CTDP1: variants seen among roughly 807,000 people sequenced by gnomAD.
The protein encoded by CTDP1 is RNA polymerase II subunit A C-terminal domain phosphatase.
In CTDP1, 47 loss-of-function variants were observed where a neutral mutation model predicts 91.8. The observed-to-expected ratio is 0.51, with a 90% CI of 0.41 to 0.65. CTDP1 has a LOEUF of 0.65. Ranked by LOEUF, CTDP1 falls within the 30% of genes least tolerant of loss-of-function variation. The pLI is 0.00. For missense variants in CTDP1, 1,272 were observed against 1,373.7 expected, an observed-to-expected ratio of 0.93 and a Z score of 1.17; for synonymous variants, 656 against 598.5, an observed-to-expected ratio of 1.10 and a Z score of -1.40.
intron 4 of CTDP1, 44 bp from the exon 5 acceptor site, chr18:79,704,723 C>T (rs1269463075): frequency 6.2e-7 from 1 of 1,610,486 alleles, no homozygotes; most frequent in Non-Finnish European, 8.5e-7. Flanking sequence ...GCGGCCGGGG[C>T]TCCTCAGGCC....
At chr18:79,687,251 C>T (rs1274855223) in intron 1 of CTDP1, among the ~76,000 whole-genome samples, 1 of 132,422 alleles carries the variant, frequency 7.6e-6, no homozygotes, top group East Asian at 2.3e-4. Context: ...CAGTTGGCTT[C>T]GTCAGTTCAC....
intron 3 of CTDP1, among the ~76,000 whole-genome samples, chr18:79,697,205 C>T (rs1351956890): frequency 1.3e-5 from 2 of 152,166 alleles, no homozygotes; most frequent in Non-Finnish European, 2.9e-5. Context: ...GGGATGGGCA[C>T]GGGAGGAGGT....
At chr18:79,704,472 G>C (rs191706309) in intron 4 of CTDP1, among the ~76,000 whole-genome samples, 4 of 151,362 alleles carry the variant, frequency 2.6e-5, no homozygotes, top group Admixed American at 6.6e-5. Flanking sequence ...CCTCTGTCCC[G>C]TGTGGAGGGG....
chr18:79,714,947 C>T lies in CTDP1; in HGVS notation c.1487C>T (p.Ala496Val), dbSNP rs374354154. The change falls in exon 8 of 13, where the codon GCG (alanine) becomes GTG (valine). Residue 496 changes from alanine (A) to valine (V), a missense_variant. Ala to Val is a moderately conservative substitution (Grantham distance 64, BLOSUM62 0). Around this residue, in one of 3 missense-constraint regions of CTDP1, gnomAD observed 881 missense variants for 911.6 expected, o/e 0.97. Coordinates refer to ENST00000613122, the MANE Select transcript of CTDP1 (RefSeq NM_004715.5). ...KPKAAPEGAGALAQGSSLEPG... is the reference protein window; with the variant it reads ...KPKAAPEGAGVLAQGSSLEPG... ...AAGGCTGCCCCAGAGGGAGCCGGGG[C>T]GCTGGCACAGGGCAGTTCCCTGGAG... is the stretch of plus-strand genomic sequence containing the variant. The T allele has an allele frequency of 1.9e-4, 302 of 1,563,818 alleles. No homozygotes were observed. The highest frequency in any genetic ancestry group is 9.6e-5 in the Admixed American group (5 of 51,840).
At chr18:79,746,893 G>A (rs2086893911) in intron 12 of CTDP1, among the ~76,000 whole-genome samples, 1 of 152,152 alleles carries the variant, frequency 6.6e-6, no homozygotes, top group African/African-American at 2.4e-5. Flanking sequence ...GCCTCCCAAA[G>A]TGCTGGACCT....
intron 5 of CTDP1, among the ~76,000 whole-genome samples, chr18:79,706,764 A>G (rs374626209): frequency 9.9e-5 from 15 of 152,064 alleles, no homozygotes; most frequent in Admixed American, 5.9e-4. Flanking sequence ...TCGGTGAGGG[A>G]GTGGTTCCTG....
At position 79,697,986 on chromosome 18, in the gene CTDP1, A is replaced by T; in HGVS notation, c.619A>T (p.Lys207Ter). 6.2e-7 allele frequency: 1 copy of T among 1,614,222 alleles called. No individual in the cohort carries two copies. The stretch of plus-strand genomic sequence containing the variant: ...GCAGCACTGTCAGCAGATGTCGAAT[A>T]AAGTGAGTGCAGTCAGCATCTACGG... The part of the protein sequence containing the change: ...TEQHCQQMSN[K>*]GIFHFQLGRG... Residue 207 changes from lysine (K) to a stop codon, truncating the protein, a stop_gained and splice_region_variant, in exon 4 of 13, where the codon AAA becomes TAA. Transcript: ENST00000613122. LOFTEE classifies it high-confidence loss of function.
In CTDP1 at chr18:79,741,119, TGTCCCTGA is replaced by T. The variant is rs143544488; in HGVS notation, c.2747+4604_2747+4611del. 4.4e-3 allele frequency among the ~76,000 whole-genome samples: 659 copies of T among 150,648 alleles called. 6 individuals are homozygous for T. Among genetic ancestry groups the T allele is most frequent in the African/African-American group, 0.016 (636 of 40,772 alleles). Reference sequence around the variant, plus strand: ...GGGTGAGGTCCCCGTGTGGTTGATCTGTCCCTGAGTCCCCGAGGTCCCCTTGCGGTTGA... The same window carrying T: ...GGGTGAGGTCCCCGTGTGGTTGATCTGTCCCCGAGGTCCCCTTGCGGTTGA... On this transcript the variant is annotated intron_variant, in intron 12 of 12. Transcript: ENST00000613122.
At chr18:79,709,713 C>G (rs3786235) in intron 5 of CTDP1, among the ~76,000 whole-genome samples, 19,577 of 152,262 alleles carry the variant, frequency 0.13, 1,578 homozygotes, top group Non-Finnish European at 0.19. Context: ...CTCTGTCAGG[C>G]AGGCTTCCTC....
chr18:79,724,122 A>G (rs1456388974), intron 10 of CTDP1, among the ~76,000 whole-genome samples: 1 of 152,156 alleles, frequency 6.6e-6, no homozygotes, highest in Admixed American at 6.6e-5. Context: ...GAAGATTCGC[A>G]CCTTTCTGAG....
intron 1 of CTDP1, among the ~76,000 whole-genome samples, chr18:79,680,589 G>C (rs2085342984): frequency 6.6e-6 from 1 of 152,250 alleles, no homozygotes; most frequent in Non-Finnish European, 1.5e-5. Context: ...GAAAACTCAT[G>C]GGTGGCTGTG....
chr18:79,739,195 T>G (rs1296503408), intron 12 of CTDP1, among the ~76,000 whole-genome samples: 1 of 151,800 alleles, frequency 6.6e-6, no homozygotes, highest in Non-Finnish European at 1.5e-5. Flanking sequence ...AACCTGATAG[T>G]TTTTTTTTCT....
chr18:79,724,587 G>A (rs1209756776), intron 10 of CTDP1, among the ~76,000 whole-genome samples: 1 of 152,178 alleles, frequency 6.6e-6, no homozygotes, highest in Non-Finnish European at 1.5e-5. Context: ...CTAGTCCTTG[G>A]TTGGATGTGT....
intron 10 of CTDP1, among the ~76,000 whole-genome samples, chr18:79,726,912 A>G (rs62097745): frequency 0.3 from 16,185 of 54,312 alleles, 3,981 homozygotes; most frequent in Non-Finnish European, 0.44. Context: ...TCGGGGTGGG[A>G]TGACGCCGTT....
At chr18:79,701,604 T>A (rs1255088061) in intron 4 of CTDP1, among the ~76,000 whole-genome samples, 1 of 152,062 alleles carries the variant, frequency 6.6e-6, no homozygotes, top group Non-Finnish European at 1.5e-5. Flanking sequence ...TGGAGCTGCC[T>A]TAGAGAGCAA....
upstream of CTDP1, chr18:79,679,767 C>A: frequency 1.8e-6 from 1 of 565,768 alleles, no homozygotes; most frequent in Non-Finnish European, 3.1e-6. Flanking sequence ...TACGCACGTA[C>A]GCGGCGCCCT....
intron 4 of CTDP1, among the ~76,000 whole-genome samples, chr18:79,703,400 T>C (rs2085899036): frequency 6.6e-6 from 1 of 152,218 alleles, no homozygotes; most frequent in Non-Finnish European, 1.5e-5. Flanking sequence ...GAAGTTTAGC[T>C]TCCTAAGGAA....
At chr18:79,696,517 G>A (rs1256273601) in intron 3 of CTDP1, among the ~76,000 whole-genome samples, 2 of 152,052 alleles carry the variant, frequency 1.3e-5, no homozygotes, top group South Asian at 2.1e-4. Flanking sequence ...GTCGGTGGCC[G>A]GGGGTAGGGG....
At chr18:79,729,171 G>C in intron 11 of CTDP1, 102 bp downstream of exon 11, 2 of 1,427,824 alleles carry the variant, frequency 1.4e-6, no homozygotes, top group Non-Finnish European at 2.0e-6. Flanking sequence ...TGGAGGCCGA[G>C]CTAGAGTCCT....
Sources: gnomAD v4.1 joint callset for allele counts (sites outside exome capture counted in the v4.1 genomes callset) on GRCh38, gnomAD v4.1.1 for gene constraint, gnomAD v4.1.1 regional missense constraint, MANE v1.5 for transcripts, NCBI Gene and HGNC (gene_info 2026-07-23, HGNC 2026-07-21) for gene names.